TUT4: variants seen among roughly 807,000 people sequenced by gnomAD.
The protein encoded by TUT4 is terminal uridylyl transferase 4.
In TUT4, 36 loss-of-function variants were observed where a neutral mutation model predicts 192.2. That is an observed-to-expected ratio of 0.19 (90% CI 0.14 to 0.25). The LOEUF is 0.25. Among genes scored for constraint, TUT4 ranks in the 10% least tolerant of loss-of-function variants. The pLI is 1.00. For synonymous variants in TUT4, 618 were observed against 666.0 expected (o/e 0.93, Z 1.11); for missense variants, 1,493 against 1,957.2 (o/e 0.76, Z 4.47).
intron 1 of TUT4, among the ~76,000 whole-genome samples, chr1:52,530,093 T>A (rs928172925): frequency 1.3e-5 from 2 of 152,082 alleles, no homozygotes; most frequent in Non-Finnish European, 2.9e-5. Flanking sequence ...TCCTCCTGCC[T>A]CGGCTTCCCA....
At position 52,461,097 on chromosome 1, in the gene TUT4, C is replaced by T; in HGVS notation, c.3321+37G>A. On this transcript the variant is annotated intron_variant, in intron 19 of 29. Transcript: ENST00000257177. The stretch of plus-strand genomic sequence containing the variant: ...ATTAGTTATGTTTCATTTTAATTAT[C>T]ATGAACAAAGCAGATCATTAATTTT... 1.4e-6 allele frequency: 2 copies of T among 1,474,652 alleles called. 1 individual carries two copies. The highest frequency in any genetic ancestry group is 2.7e-5 in the South Asian group (2 of 74,524). The allele number at this position is 1,474,652 out of a possible 1,614,324, so 91.3% of individuals were successfully genotyped here.
At chr1:52,466,659 A>AT (rs1454746792) in intron 15 of TUT4, among the ~76,000 whole-genome samples, 12,889 of 129,308 alleles carry the variant, frequency 0.1, 757 homozygotes, top group African/African-American at 0.2. Context: ...AAAAAAAAAA[A>AT]ATATATATAT....
chr1:52,525,672 T>A lies in TUT4; in HGVS notation c.609A>T (p.Lys203Asn). 1.2e-6 allele frequency: 2 copies of A among 1,614,118 alleles called. No individual in the cohort carries two copies. The highest frequency in any genetic ancestry group is 1.7e-6 in the Non-Finnish European group (2 of 1,180,008). The stretch of plus-strand genomic sequence containing the variant: ...ATCGTGGTGAGTTTTGCAGAGCACA[T>A]TTTTCTCCCCCTACAGCTTCAATAT... ...KVNIEAVGGE[K>N]CALQNSPRSQ... is the part of the protein sequence containing the mutation. The change falls in exon 2 of 30, where the codon AAA (lysine) becomes AAT (asparagine). Residue 203 changes from lysine (K) to asparagine (N), a missense_variant. Lys to Asn is a moderately conservative substitution (Grantham distance 94, BLOSUM62 0). Coordinates refer to ENST00000257177, the MANE Select transcript of TUT4 (RefSeq NM_001009881.3).
intron 8 of TUT4, among the ~76,000 whole-genome samples, chr1:52,489,570 A>T (rs560233656): frequency 2.0e-5 from 3 of 152,354 alleles, no homozygotes; most frequent in African/African-American, 4.8e-5. Context: ...TTAACCCACA[A>T]ATTATACTTC....
Position 52,526,381 on chromosome 1 carries a change from G to GT in TUT4, c.-93-9dup. On this transcript the variant is annotated splice_polypyrimidine_tract_variant and intron_variant, in intron 1 of 29. Transcript: ENST00000257177. Reference sequence around the variant, plus strand: ...CCAGTTTAGGCAAGCAAACTATTGGGTTAAAAAAAAGAGAAAAATCTGTTA... The same window carrying GT: ...CCAGTTTAGGCAAGCAAACTATTGGGTTTAAAAAAAAGAGAAAAATCTGTTA... 9.3e-7 allele frequency: 1 copy of GT among 1,071,192 alleles called. No individual in the cohort carries two copies. The highest frequency in any genetic ancestry group is 1.2e-6 in the Non-Finnish European group (1 of 833,054). 66.4% of individuals were successfully genotyped at this position (1,071,192 alleles called of 1,614,324 possible).
At chr1:52,492,584 A>G (rs1231027110) in intron 7 of TUT4, among the ~76,000 whole-genome samples, 1 of 152,226 alleles carries the variant, frequency 6.6e-6, no homozygotes, top group African/African-American at 2.4e-5. Context: ...TAATTTGTCA[A>G]AGGACACACA....
chr1:52,521,069 C>G (rs1054745617), intron 2 of TUT4, among the ~76,000 whole-genome samples: 1 of 152,102 alleles, frequency 6.6e-6, no homozygotes, highest in African/African-American at 2.4e-5. Flanking sequence ...GCTGGGATTA[C>G]AGGCGTGAGC....
Position 52,528,466 on chromosome 1 carries a change from G to C in TUT4, c.-93-2093C>G, listed in dbSNP as rs1029037141. 2.7e-5 allele frequency among the ~76,000 whole-genome samples: 4 copies of C among 150,666 alleles called. No individual in the cohort carries two copies. In the South Asian group the frequency reaches 6.3e-4, roughly 24 times the overall value. ...AGATTGCATTCCTGCATTCCAGTCT[G>C]GGCAACAGAGTGAGACCCTGTCTCA... is the stretch of plus-strand genomic sequence containing the variant. On this transcript the variant is annotated intron_variant, in intron 1 of 29. Coordinates refer to ENST00000257177, the MANE Select transcript of TUT4 (RefSeq NM_001009881.3).
chr1:52,539,301 G>C (rs1685841849), intron 1 of TUT4, among the ~76,000 whole-genome samples: 1 of 152,146 alleles, frequency 6.6e-6, no homozygotes, highest in African/African-American at 2.4e-5. Context: ...AACATTCAAT[G>C]TTATGCTTCC....
In TUT4 at chr1:52,461,611, T is replaced by G; in HGVS notation, c.3133A>C (p.Arg1045=). The G allele has an allele frequency of 6.2e-7, 1 of 1,603,208 alleles. No homozygotes were observed. Reference sequence around the variant, plus strand: ...GCAGTAGTTATAGGCAAAATGTTTCTTAAACCTAATTTAAAAAAAAAAGAC... The same window carrying G: ...GCAGTAGTTATAGGCAAAATGTTTCGTAAACCTAATTTAAAAAAAAAAGAC... The part of the protein sequence containing the change: ...AKILKRHPGL[R]NILPITTAKV... Residue 1045 remains arginine, a synonymous_variant, in exon 18 of 30, where the codon AGA becomes CGA. Transcript: ENST00000257177.
chr1:52,500,364 T>C (rs1005065486), intron 4 of TUT4, among the ~76,000 whole-genome samples: 3 of 152,172 alleles, frequency 2.0e-5, no homozygotes, highest in African/African-American at 4.8e-5. Context: ...CCAGGTATAG[T>C]GGCTCACAGT....
chr1:52,448,225 A>G (rs1431165020), intron 20 of TUT4, among the ~76,000 whole-genome samples: 1 of 152,244 alleles, frequency 6.6e-6, no homozygotes, highest in Non-Finnish European at 1.5e-5. Flanking sequence ...TAACATTTAC[A>G]TATTACTTAA....
intron 9 of TUT4, among the ~76,000 whole-genome samples, 163 bp from the exon 10 acceptor site, chr1:52,482,086 T>TTA (rs1668612511): frequency 6.6e-6 from 1 of 152,174 alleles, no homozygotes; most frequent in Non-Finnish European, 1.5e-5. Context: ...ACCATTAAAA[T>TTA]GTTGATGATC....
At chr1:52,440,431 G>GT (rs1655171569) in intron 24 of TUT4, among the ~76,000 whole-genome samples, 1 of 123,306 alleles carries the variant, frequency 8.1e-6, no homozygotes, top group African/African-American at 3.4e-5. Flanking sequence ...TGCCCATCCT[G>GT]TGTTTTTTTT....
intron 26 of TUT4, 84 bp downstream of exon 26, chr1:52,436,671 G>C: frequency 6.4e-7 from 1 of 1,571,440 alleles, no homozygotes; most frequent in Non-Finnish European, 8.6e-7. Flanking sequence ...GTTTGCAACA[G>C]AGAGGAATTA....
At chr1:52,493,965 CTTTTTTT>C (rs74540967) in intron 6 of TUT4, among the ~76,000 whole-genome samples, 2 of 132,844 alleles carry the variant, frequency 1.5e-5, no homozygotes, top group African/African-American at 2.7e-5. Context: ...CCAGCTAATA[CTTTTTTT>C]TTTTTTTTTT....
chr1:52,541,963 G>A (rs190338529), intron 1 of TUT4, among the ~76,000 whole-genome samples: 223 of 152,274 alleles, frequency 1.5e-3, no homozygotes, highest in Non-Finnish European at 2.6e-3. Flanking sequence ...ACCAACAGAT[G>A]AATGGATAAA....
intron 1 of TUT4, 21 bp from the exon 2 acceptor site, chr1:52,526,394 G>T: frequency 2.0e-6 from 2 of 976,318 alleles, no homozygotes; most frequent in Non-Finnish European, 2.6e-6. Context: ...AAAAAAAAGA[G>T]AAAAATCTGT....
At chr1:52,466,460 T>C (rs377541575) in intron 15 of TUT4, among the ~76,000 whole-genome samples, 1 of 151,360 alleles carries the variant, frequency 6.6e-6, no homozygotes, top group Non-Finnish European at 1.5e-5. Context: ...TTGGAAAACA[T>C]GGTGAGACTC....
Sources: gnomAD v4.1 joint callset for allele counts (sites outside exome capture counted in the v4.1 genomes callset) on GRCh38, gnomAD v4.1.1 for gene constraint, MANE v1.5 for transcripts, NCBI Gene and HGNC (gene_info 2026-07-23, HGNC 2026-07-21) for gene names.